Variants in PDILT observed in about 807,000 individuals in gnomAD.
The protein encoded by PDILT is protein disulfide-isomerase-like protein of the testis.
PDILT carries 43 observed loss-of-function variants against 53.7 expected under a neutral mutation model. The ratio of observed to expected loss-of-function variants is 0.80; its 90% CI spans 0.63 to 1.03. The LOEUF (loss-of-function observed/expected upper bound fraction) is 1.03. PDILT is among the 50% of genes least tolerant of loss of function. PDILT has a pLI of 0.00. For synonymous variants in PDILT, 282 were observed against 274.2 expected (o/e 1.03, Z -0.28); for missense variants, 727 against 712.3 (o/e 1.02, Z -0.24).
intron 10 of PDILT, 109 bp from the exon 11 acceptor site, chr16:20,360,766 G>A: frequency 1.3e-6 from 1 of 760,436 alleles, no homozygotes; most frequent in Admixed American, 1.9e-5. Flanking sequence ...CCCCGGGTAT[G>A]TTATGCAGGT....
intron 2 of PDILT, among the ~76,000 whole-genome samples, chr16:20,387,317 T>C (rs149959989): frequency 6.6e-4 from 101 of 152,268 alleles, no homozygotes; most frequent in Middle Eastern, 3.4e-3. Flanking sequence ...AGGCTAAAGA[T>C]GGCAATGTTT....
rs771298369 is a variant in PDILT, at chr16:20,359,397, C to T, written c.1677G>A (p.Glu559=). 8.7e-6 allele frequency: 14 copies of T among 1,614,198 alleles called. No individual in the cohort carries two copies. The highest frequency in any genetic ancestry group is 3.3e-5 in the Admixed American group (2 of 60,022). ...EEPAGKKKTS[E]EVVVVVAKPK... The stretch of plus-strand genomic sequence containing the variant: ...GCTTAGCCACCACCACCACCACCTC[C>T]TCAGATGTTTTCTTCTTCCCAGCGG... The change falls in exon 12 of 12, where the codon GAG becomes GAA. Residue 559 remains glutamate, a synonymous_variant. Transcript: ENST00000302451.
intron 2 of PDILT, among the ~76,000 whole-genome samples, chr16:20,395,390 C>A (rs897787605): frequency 1.3e-5 from 2 of 152,114 alleles, no homozygotes; most frequent in Admixed American, 6.5e-5. Context: ...TTGTTGTTTG[C>A]CCATCCCTTT....
chr16:20,392,546 TC>T (rs765093641), intron 2 of PDILT, among the ~76,000 whole-genome samples: 11 of 152,174 alleles, frequency 7.2e-5, no homozygotes, highest in Non-Finnish European at 1.5e-4. Flanking sequence ...CATAGTGCTT[TC>T]CCCAAGTGAT....
intron 2 of PDILT, among the ~76,000 whole-genome samples, chr16:20,394,425 C>T (rs1412443182): frequency 6.6e-6 from 1 of 152,052 alleles, no homozygotes; most frequent in Admixed American, 6.5e-5. Flanking sequence ...TTGTGGGTTC[C>T]CCAGGCCTGG....
intron 2 of PDILT, among the ~76,000 whole-genome samples, chr16:20,391,415 C>T (rs1179640624): frequency 6.6e-6 from 1 of 152,168 alleles, no homozygotes; most frequent in East Asian, 1.9e-4. Flanking sequence ...ACATCATGCT[C>T]ACCATCATCA....
At chr16:20,390,213 C>T (rs551465582) in intron 2 of PDILT, among the ~76,000 whole-genome samples, 1 of 152,250 alleles carries the variant, frequency 6.6e-6, no homozygotes, top group South Asian at 2.1e-4. Flanking sequence ...TTCTCAGGGG[C>T]CAGCCACCAA....
intron 4 of PDILT, among the ~76,000 whole-genome samples, chr16:20,375,642 A>T (rs1048693912): frequency 6.6e-6 from 1 of 152,156 alleles, no homozygotes. Context: ...CTGCACCTCT[A>T]AGGGTTGGTG....
chr16:20,397,369 T>C (rs1430632626), intron 2 of PDILT, among the ~76,000 whole-genome samples: 2 of 152,128 alleles, frequency 1.3e-5, no homozygotes, highest in Non-Finnish European at 2.9e-5. Context: ...TCTTGAACAC[T>C]TGAGCTCAAG....
intron 1 of PDILT, among the ~76,000 whole-genome samples, chr16:20,404,202 C>T (rs1966785254): frequency 6.6e-6 from 1 of 152,142 alleles, no homozygotes; most frequent in African/African-American, 2.4e-5. Flanking sequence ...CAGCAAACCC[C>T]ATTGGTTCAT....
At chr16:20,393,500 A>T (rs28550569) in intron 2 of PDILT, among the ~76,000 whole-genome samples, 1 of 152,078 alleles carries the variant, frequency 6.6e-6, no homozygotes, top group Non-Finnish European at 1.5e-5. Flanking sequence ...GGAACTATAA[A>T]TGTTAACGGT....
chr16:20,373,378 C>A (rs60447046), intron 5 of PDILT, among the ~76,000 whole-genome samples: 3,282 of 152,086 alleles, frequency 0.022, 112 homozygotes, highest in African/African-American at 0.074. Context: ...ACTTAACAGC[C>A]CCAGCCATTG....
At chr16:20,379,799 T>C (rs1966437637) in intron 3 of PDILT, among the ~76,000 whole-genome samples, 1 of 152,190 alleles carries the variant, frequency 6.6e-6, no homozygotes, top group African/African-American at 2.4e-5. Context: ...GTGAAGCTGA[T>C]ATGGTGGCTT....
intron 3 of PDILT, among the ~76,000 whole-genome samples, chr16:20,383,689 A>G (rs973596001): frequency 1.2e-4 from 19 of 152,206 alleles, no homozygotes; most frequent in African/African-American, 4.6e-4. Context: ...TATACACCAG[A>G]TCCAGTGGAA....
intron 2 of PDILT, among the ~76,000 whole-genome samples, chr16:20,392,884 G>A (rs908364436): frequency 1.3e-5 from 2 of 152,188 alleles, no homozygotes; most frequent in Non-Finnish European, 2.9e-5. Context: ...CTTCTGCCCT[G>A]GTTAAAACAG....
chr16:20,396,577 A>C (rs569359192), intron 2 of PDILT, among the ~76,000 whole-genome samples: 2 of 152,204 alleles, frequency 1.3e-5, no homozygotes, highest in Non-Finnish European at 2.9e-5. Flanking sequence ...TCCCTCGTGC[A>C]CTCAAAGACA....
rs375464553 is a variant in PDILT at position 20,387,560 on chromosome 16, G to T, written c.203-2709C>A. On this transcript the variant is annotated intron_variant, in intron 2 of 11. Coordinates refer to ENST00000302451, the MANE Select transcript of PDILT (RefSeq NM_174924.2). ...TTTGACTTTTCCCAGAATATGGAAT[G>T]GTACCAGAGGGTTTGGAGCAGAGGT... Among the ~76,000 whole-genome samples the T allele has an allele frequency of 1.5e-4, 23 of 152,254 alleles. No individual in the cohort carries two copies. In the South Asian group the frequency reaches 4.6e-3, roughly 30 times the overall value.
At chr16:20,378,392 CCTT>C (rs1403580925) in intron 3 of PDILT, among the ~76,000 whole-genome samples, 2 of 152,046 alleles carry the variant, frequency 1.3e-5, no homozygotes, top group African/African-American at 2.4e-5. Context: ...TTCTTCTTCT[CCTT>C]CTTCTCCTTC....
intron 10 of PDILT, 137 bp from the exon 11 acceptor site, chr16:20,360,794 C>A (rs1270509457): frequency 3.1e-6 from 2 of 651,188 alleles, no homozygotes; most frequent in Non-Finnish European, 5.5e-6. Flanking sequence ...CCTCTCTTAG[C>A]CTCCAGTGCC....
Sources: allele counts gnomAD v4.1 joint callset (sites outside exome capture counted in the v4.1 genomes callset), GRCh38; gene constraint gnomAD v4.1.1; transcripts MANE v1.5; gene names NCBI Gene and HGNC (gene_info 2026-07-23, HGNC 2026-07-21).